Variants in CCDC171 observed in about 807,000 individuals in gnomAD.
CCDC171 encodes coiled-coil domain-containing protein 171.
CCDC171 carries 177 observed loss-of-function variants against 168.2 expected under a neutral mutation model. The ratio of observed to expected loss-of-function variants is 1.05; its 90% CI spans 0.93 to 1.19. The LOEUF is 1.19. Ranked by LOEUF, CCDC171 falls within the 50% of genes most tolerant of loss-of-function variation. The probability of loss-of-function intolerance (pLI) is 0.00; values close to 1 mark genes in which losing one functional copy is unlikely to be tolerated. For missense variants in CCDC171, 1,991 were observed against 1,539.0 expected (o/e 1.29, Z -4.91); for synonymous variants, 687 against 540.8 (o/e 1.27, Z -3.75).
chr9:15,885,981 A>G (rs1819341194), intron 24 of CCDC171: 1 of 152,206 alleles, frequency 6.6e-6, no homozygotes, highest in Admixed American at 6.5e-5. Context: ...ACTAAAAGTT[A>G]TTCCAACAGA....
chr9:15,558,098 G>A (rs551024943), intron 1 of CCDC171, among the ~76,000 whole-genome samples: 30 of 151,712 alleles, frequency 2.0e-4, no homozygotes, highest in South Asian at 4.2e-4. Flanking sequence ...CAACTTGATC[G>A]TGGTGGATAA....
chr9:15,775,226 G>A (rs1362611325), intron 18 of CCDC171, among the ~76,000 whole-genome samples: 1 of 152,188 alleles, frequency 6.6e-6, no homozygotes, highest in Non-Finnish European at 1.5e-5. Flanking sequence ...TAGGAACTTA[G>A]AGCATATGAC....
intron 21 of CCDC171, among the ~76,000 whole-genome samples, chr9:15,812,288 C>G (rs528039906): frequency 6.6e-6 from 1 of 152,288 alleles, no homozygotes; most frequent in South Asian, 2.1e-4. Context: ...AGTTCACATG[C>G]TATGCCTATT....
intron 15 of CCDC171, among the ~76,000 whole-genome samples, chr9:15,728,695 A>G (rs576372038): frequency 6.6e-6 from 1 of 152,286 alleles, no homozygotes; most frequent in Admixed American, 6.5e-5. Flanking sequence ...ACAGTGGCTT[A>G]GCAGATCAAC....
intron 12 of CCDC171, among the ~76,000 whole-genome samples, chr9:15,722,363 CAA>C (rs1350464951): frequency 6.6e-6 from 1 of 152,124 alleles, no homozygotes. Flanking sequence ...TTTTAAAAAA[CAA>C]ATATCTGTTT....
chr9:15,937,448 A>G (rs1455485232), intron 25 of CCDC171, among the ~76,000 whole-genome samples: 2 of 152,026 alleles, frequency 1.3e-5, no homozygotes, highest in Admixed American at 6.6e-5. Flanking sequence ...AGATGATTCC[A>G]ATACTTTAGA....
intron 9 of CCDC171, among the ~76,000 whole-genome samples, chr9:15,676,825 C>T (rs1393485618): frequency 6.6e-6 from 1 of 152,138 alleles, no homozygotes; most frequent in Non-Finnish European, 1.5e-5. Context: ...TCAGTTGAAT[C>T]CTGATCTTTT....
At chr9:15,893,344 T>G (rs1820464309) in intron 24 of CCDC171, among the ~76,000 whole-genome samples, 1 of 152,114 alleles carries the variant, frequency 6.6e-6, no homozygotes, top group Non-Finnish European at 1.5e-5. Flanking sequence ...GAAGAAAATC[T>G]AGGTAGTACC....
At chr9:15,915,356 T>C (rs1306201147) in intron 24 of CCDC171, among the ~76,000 whole-genome samples, 1 of 80,862 alleles carries the variant, frequency 1.2e-5, no homozygotes, top group African/African-American at 3.2e-5. Context: ...GTTAAATATA[T>C]TCCTAGTGTT....
chr9:15,574,693 G>C (rs1481222635), intron 3 of CCDC171, among the ~76,000 whole-genome samples: 2 of 152,230 alleles, frequency 1.3e-5, no homozygotes, highest in Non-Finnish European at 1.5e-5. Flanking sequence ...GGAATGCAGT[G>C]ATTTAAAAAC....
At chr9:15,854,726 A>G (rs1222620174) in intron 23 of CCDC171, among the ~76,000 whole-genome samples, 1 of 151,644 alleles carries the variant, frequency 6.6e-6, no homozygotes, top group Non-Finnish European at 1.5e-5. Context: ...GTAGACATTT[A>G]CAGCTATAGA....
At chr9:15,671,134 G>T (rs1182859220) in intron 9 of CCDC171, among the ~76,000 whole-genome samples, 1 of 152,130 alleles carries the variant, frequency 6.6e-6, no homozygotes, top group Non-Finnish European at 1.5e-5. Flanking sequence ...ATCAACAGAT[G>T]AGAATAGTTA....
chr9:15,989,210 G>A (rs1396629297), intron 3 of CCDC171, among the ~76,000 whole-genome samples: 1 of 152,118 alleles, frequency 6.6e-6, no homozygotes, highest in Admixed American at 6.5e-5. Flanking sequence ...CACACGGCAG[G>A]GTACTGCTCT....
chr9:15,846,281 C>T (rs1228229420), intron 21 of CCDC171, among the ~76,000 whole-genome samples: 1 of 152,034 alleles, frequency 6.6e-6, no homozygotes, highest in Non-Finnish European at 1.5e-5. Flanking sequence ...ATCATTTTCT[C>T]AATCACATGC....
At chr9:15,857,073 T>C (rs1420795840) in intron 23 of CCDC171, among the ~76,000 whole-genome samples, 2 of 152,020 alleles carry the variant, frequency 1.3e-5, no homozygotes, top group African/African-American at 4.8e-5. Flanking sequence ...TTCTTTTTGC[T>C]ATTAAGTTGT....
chr9:15,781,519 G>C (rs1442477479), intron 20 of CCDC171, among the ~76,000 whole-genome samples: 1 of 152,124 alleles, frequency 6.6e-6, no homozygotes, highest in East Asian at 1.9e-4. Context: ...CCAGGTTCAA[G>C]GAATTCTCCT....
chr9:15,950,098 A>G (rs186768793), intron 25 of CCDC171, among the ~76,000 whole-genome samples: 6 of 152,182 alleles, frequency 3.9e-5, no homozygotes, highest in African/African-American at 1.4e-4. Context: ...AGAAATGAGC[A>G]AAGCCTCCAA....
In CCDC171 at chr9:15,961,371, T is replaced by G. The variant is rs1331617335; in HGVS notation, c.3754-10238T>G. Among the ~76,000 whole-genome samples, 4 of 152,174 alleles carry G rather than the reference T, an allele frequency of 2.6e-5. No homozygotes were observed. The East Asian group carries it at 7.7e-4, about 29-fold the overall frequency. On this transcript the variant is annotated intron_variant, in intron 25 of 25. Transcript: ENST00000380701. ...GTTCCCAGAGAGAGTGTGACATGTG[T>G]ACATTTTGACCACAGAAGTCGTAAT...
At chr9:15,571,184 G>C (rs1040182523) in intron 2 of CCDC171, among the ~76,000 whole-genome samples, 2 of 152,074 alleles carry the variant, frequency 1.3e-5, no homozygotes, top group African/African-American at 2.4e-5. Context: ...AATTCTGTTT[G>C]CTGTTATTTT....
Sources: allele counts gnomAD v4.1 joint callset (sites outside exome capture counted in the v4.1 genomes callset), GRCh38; gene constraint gnomAD v4.1.1; transcripts MANE v1.5; gene names NCBI Gene and HGNC (gene_info 2026-07-23, HGNC 2026-07-21).